The following DDHD1 variants were observed in gnomAD, a reference collection of about 807,000 sequenced individuals.
The protein encoded by DDHD1 is DDHD domain containing 1, also known as phospholipase DDHD1.
Under a neutral mutation model 96.4 loss-of-function variants are expected in DDHD1, and 49 were observed. The ratio of observed to expected loss-of-function variants is 0.51; its 90% CI spans 0.40 to 0.64. The LOEUF (loss-of-function observed/expected upper bound fraction) is 0.64. Ranked by LOEUF, DDHD1 falls within the 30% of genes least tolerant of loss-of-function variation. The pLI is 0.00. For missense variants in DDHD1, 1,106 were observed against 1,161.2 expected (o/e 0.95, Z 0.69); for synonymous variants, 442 against 446.5 (o/e 0.99, Z 0.13).
In DDHD1 at chr14:53,105,643, T is replaced by C. The variant is rs377224070; in HGVS notation, c.839-1787A>G. On this transcript the variant is annotated intron_variant, in intron 1 of 12. Transcript: ENST00000673822. ...TTTTCCATTTGCCTGTAATATCATATACATTCCTTTATTTTTGATGGTTGG... is the reference window on the plus strand; with the variant it reads ...TTTTCCATTTGCCTGTAATATCATACACATTCCTTTATTTTTGATGGTTGG... Among the ~76,000 whole-genome samples the C allele has an allele frequency of 2.4e-4, 36 of 152,328 alleles. 1 individual carries two copies. Among genetic ancestry groups the C allele is most frequent in the African/African-American group, 8.2e-4 (34 of 41,576 alleles).
intron 1 of DDHD1, among the ~76,000 whole-genome samples, chr14:53,144,459 G>A (rs930632045): frequency 6.6e-6 from 1 of 152,226 alleles, no homozygotes; most frequent in Non-Finnish European, 1.5e-5. Context: ...CAACCACACT[G>A]TGCTTTCTTT....
chr14:53,113,906 GGAGCCAAGTGGTCTC>G (rs1462158055), intron 1 of DDHD1, among the ~76,000 whole-genome samples: 3 of 152,162 alleles, frequency 2.0e-5, no homozygotes, highest in Non-Finnish European at 2.9e-5. Context: ...CTGAAGCCAG[GGAGCCAAGTGGTCTC>G]GCTCAGTGGG....
intron 1 of DDHD1, among the ~76,000 whole-genome samples, chr14:53,104,505 A>T (rs1240628282): frequency 2.0e-5 from 3 of 152,166 alleles, no homozygotes; most frequent in Admixed American, 2.0e-4. Context: ...GTTTAGAAAT[A>T]GTGTGTGTGG....
chr14:53,087,003 T>C (rs1886032515), intron 4 of DDHD1, among the ~76,000 whole-genome samples: 2 of 143,340 alleles, frequency 1.4e-5, no homozygotes, highest in African/African-American at 2.6e-5. Context: ...AAGCAGGGAT[T>C]GCAATCCTAG....
chr14:53,062,607 T>C (rs1883682938), intron 7 of DDHD1, among the ~76,000 whole-genome samples: 1 of 152,118 alleles, frequency 6.6e-6, no homozygotes, highest in Non-Finnish European at 1.5e-5. Context: ...TCAGTAAAAC[T>C]ACAAAGGATT....
chr14:53,102,861 T>A (rs1259216932), intron 2 of DDHD1, among the ~76,000 whole-genome samples: 1 of 151,942 alleles, frequency 6.6e-6, no homozygotes, highest in East Asian at 1.9e-4. Context: ...GCTTTAGAGA[T>A]GTTTTAGGAG....
In DDHD1 at chr14:53,058,643, A is replaced by T; in HGVS notation, c.1843-17T>A. ...ATTCTCAACCTAAAATGATAAAGTC[A>T]TCTTAAAGTTTAAAAATGGTGAAGT... On this transcript the variant is annotated splice_polypyrimidine_tract_variant and intron_variant, in intron 8 of 12. Coordinates refer to ENST00000673822, the MANE Select transcript of DDHD1 (RefSeq NM_001160148.2). The T allele has an allele frequency of 6.3e-7, 1 of 1,575,702 alleles. No individual in the cohort carries two copies. Among genetic ancestry groups the T allele is most frequent in the South Asian group, 1.2e-5 (1 of 83,900 alleles).
intron 1 of DDHD1, among the ~76,000 whole-genome samples, chr14:53,146,495 CAAAAA>C (rs11399058): frequency 7.3e-6 from 1 of 137,642 alleles, no homozygotes; most frequent in Admixed American, 7.3e-5. Context: ...CAGAGCATCT[CAAAAA>C]AAAAAAAAAA....
At chr14:53,141,843 T>C (rs1890662389) in intron 1 of DDHD1, among the ~76,000 whole-genome samples, 1 of 152,228 alleles carries the variant, frequency 6.6e-6, no homozygotes, top group Admixed American at 6.5e-5. Context: ...TATATATGGT[T>C]ATCAAGTATA....
rs1887493122 is a variant in DDHD1, at chr14:53,103,835, A to G, written c.860T>C (p.Met287Thr). 6.2e-7 allele frequency: 1 copy of G among 1,601,128 alleles called. No individual in the cohort carries two copies. Among genetic ancestry groups the G allele is most frequent in the Non-Finnish European group, 8.5e-7 (1 of 1,176,482 alleles). Reference sequence around the variant, plus strand: ...GCCGTCAATAAACCACTGTCCACGCATTACTGGTATTTTATCAGCCTCTGA... The same window carrying G: ...GCCGTCAATAAACCACTGTCCACGCGTTACTGGTATTTTATCAGCCTCTGA... ...YWNQADKIPV[M>T]RGQWFIDGTW... Residue 287 changes from methionine to threonine, a missense_variant, in exon 2 of 13, where the codon ATG (methionine) becomes ACG (threonine). By Grantham distance (81) the Met-to-Thr change is moderately conservative. This residue lies in a region of DDHD1 where 650 missense variants were observed against 758.8 expected (regional missense o/e 0.86). Transcript: ENST00000673822.
At chr14:53,148,620 G>A (rs1331046095) in intron 1 of DDHD1, among the ~76,000 whole-genome samples, 1 of 152,106 alleles carries the variant, frequency 6.6e-6, no homozygotes, top group Non-Finnish European at 1.5e-5. Context: ...GCCTAGAATT[G>A]CTGAATTATT....
At position 53,061,211 on chromosome 14, in the gene DDHD1, G is replaced by C. The variant is rs1397781441; in HGVS notation, c.1767-10C>G. The C allele has an allele frequency of 6.2e-7, 1 of 1,602,042 alleles. No homozygotes were observed. The highest frequency in any genetic ancestry group is 8.5e-7 in the Non-Finnish European group (1 of 1,176,192). Reference sequence around the variant, plus strand: ...TTCTATTTCCTTCAGCCTAAGAAGGGGTATGAGATTATATACACACACGTA... The same window carrying C: ...TTCTATTTCCTTCAGCCTAAGAAGGCGTATGAGATTATATACACACACGTA... On this transcript the variant is annotated splice_polypyrimidine_tract_variant and intron_variant, in intron 7 of 12. Transcript: ENST00000673822.
chr14:53,039,644 G>A lies in DDHD1; in HGVS notation c.*7124C>T, dbSNP rs1881506801. The A allele has an allele frequency of 6.6e-6, 1 of 152,288 alleles. No homozygotes were observed. The highest frequency in any genetic ancestry group is 1.5e-5 in the Non-Finnish European group (1 of 68,054). 9.4% of individuals were successfully genotyped at this position (152,288 alleles called of 1,614,324 possible). On this transcript the variant is annotated 3_prime_UTR_variant, in exon 13 of 13. Transcript: ENST00000673822. ...AGGTAGCCAGTACAATAACTAAAAT[G>A]CAAGCATTTAAAGGCAAATGGAATG...
chr14:53,039,469 C>A lies in DDHD1; in HGVS notation c.*7299G>T, dbSNP rs1881491740. ...ATGTACTCATCTCTTGACCATGGTA[C>A]AGACAGTGCTGATTGAGCTGCTGGT... On this transcript the variant is annotated 3_prime_UTR_variant, in exon 13 of 13. Coordinates refer to ENST00000673822, the MANE Select transcript of DDHD1 (RefSeq NM_001160148.2). 2 of 152,178 alleles carry A rather than the reference C, an allele frequency of 1.3e-5. No homozygotes were observed. The highest frequency in any genetic ancestry group is 4.1e-4 in the South Asian group (2 of 4,830). The allele number at this position is 152,178 out of a possible 1,614,324, so 9.4% of individuals were successfully genotyped here.
chr14:53,066,896 G>C (rs1477627634), intron 6 of DDHD1, among the ~76,000 whole-genome samples: 1 of 148,822 alleles, frequency 6.7e-6, no homozygotes, highest in Admixed American at 6.8e-5. Flanking sequence ...GAGCCCAGAA[G>C]ACAGAGGCTG....
intron 4 of DDHD1, among the ~76,000 whole-genome samples, chr14:53,087,047 T>C (rs1886036230): frequency 7.3e-6 from 1 of 136,260 alleles, no homozygotes; most frequent in Admixed American, 7.4e-5. Context: ...CCAACAAAGA[T>C]CGAAAGAGAC....
In DDHD1 at chr14:53,153,035, C is replaced by T. The variant is rs1453125038; in HGVS notation, c.64G>A (p.Gly22Ser). 6.7e-7 allele frequency: 1 copy of T among 1,495,578 alleles called. No individual in the cohort carries two copies. The highest frequency in any genetic ancestry group is 1.3e-5 in the South Asian group (1 of 77,532). The allele number at this position is 1,495,578 out of a possible 1,614,324, so 92.6% of individuals were successfully genotyped here. ...GCGTCTGAGCCCAGCTCCCAGGCGCCGCCGCCGCCGCCTCGGCCGTTATGC... is the reference window on the plus strand; with the variant it reads ...GCGTCTGAGCCCAGCTCCCAGGCGCTGCCGCCGCCGCCTCGGCCGTTATGC... ...PEHNGRGGGG[G>S]AWELGSDARP... The change falls in exon 1 of 13, where the codon GGC (glycine) becomes AGC (serine). Residue 22 changes from glycine (G) to serine (S), a missense_variant. Physicochemically the swap from Gly to Ser is moderately conservative, Grantham distance 56. Around this residue, in one of 2 missense-constraint regions of DDHD1, gnomAD observed 456 missense variants for 402.4 expected, o/e 1.13. Coordinates refer to ENST00000673822, the MANE Select transcript of DDHD1 (RefSeq NM_001160148.2).
chr14:53,117,588 G>C (rs972624845), intron 1 of DDHD1, among the ~76,000 whole-genome samples: 1 of 152,108 alleles, frequency 6.6e-6, no homozygotes, highest in African/African-American at 2.4e-5. Context: ...AGCCTGGTGG[G>C]GGAAAGGGGC....
chr14:53,084,871 C>A (rs1885799588), intron 4 of DDHD1, among the ~76,000 whole-genome samples: 1 of 152,202 alleles, frequency 6.6e-6, no homozygotes, highest in African/African-American at 2.4e-5. Context: ...CCTTTCCTAG[C>A]CAAGGGAAGC....
Sources: allele counts gnomAD v4.1 joint callset (sites outside exome capture counted in the v4.1 genomes callset), GRCh38; gene constraint gnomAD v4.1.1; regional missense constraint gnomAD v4.1.1; transcripts MANE v1.5; gene names NCBI Gene and HGNC (gene_info 2026-07-23, HGNC 2026-07-21).